Variants in POPDC1 observed in about 807,000 individuals in gnomAD.
POPDC1 encodes popeye domain cAMP effector 1, also known as popeye domain-containing protein 1.
chr6:105,115,949 A>G, the POPDC1 span: 26 of 824,542 alleles, frequency 3.2e-5, no homozygotes, highest in Non-Finnish European at 4.3e-5. Flanking sequence ...TACCTGATAC[A>G]TATTAGGTGG....
At chr6:105,133,319 A>G in the POPDC1 span, 1 of 1,532,240 alleles carries the variant, frequency 6.5e-7, no homozygotes, top group Non-Finnish European at 9.0e-7. Context: ...CAGTTACAGA[A>G]AAGTTACATA....
the POPDC1 span, among the ~76,000 whole-genome samples, chr6:105,103,954 A>G: frequency 6.6e-6 from 1 of 152,084 alleles, no homozygotes; most frequent in South Asian, 2.1e-4. Flanking sequence ...CTCCCACCAT[A>G]TTTGCTGGGG....
chr6:105,131,138 G>A, the POPDC1 span, among the ~76,000 whole-genome samples: 6 of 152,028 alleles, frequency 3.9e-5, no homozygotes, highest in Admixed American at 3.3e-4. Flanking sequence ...ATTGACACAC[G>A]CATACTCACA....
chr6:105,103,829 T>C, the POPDC1 span, among the ~76,000 whole-genome samples: 1 of 152,152 alleles, frequency 6.6e-6, no homozygotes, highest in Non-Finnish European at 1.5e-5. Flanking sequence ...CTCTCACCTA[T>C]ACTTTGCATT....
At chr6:105,133,908 G>C in the POPDC1 span, among the ~76,000 whole-genome samples, 1 of 152,100 alleles carries the variant, frequency 6.6e-6, no homozygotes, top group African/African-American at 2.4e-5. Flanking sequence ...GGAGGAGTGA[G>C]GGAATTAGTC....
At chr6:105,109,431 A>G in the POPDC1 span, among the ~76,000 whole-genome samples, 2 of 146,692 alleles carry the variant, frequency 1.4e-5, no homozygotes, top group African/African-American at 4.9e-5. Context: ...GTCAGTAGAT[A>G]AAGGTTACTA....
chr6:105,109,763 CAAAAAAAA>C, the POPDC1 span, among the ~76,000 whole-genome samples: 18 of 22,872 alleles, frequency 7.9e-4, 1 homozygote, highest in African/African-American at 1.5e-3. Context: ...GACCCTTTCT[CAAAAAAAA>C]AAAAAAAAAA....
the POPDC1 span, among the ~76,000 whole-genome samples, chr6:105,127,007 C>A: frequency 6.6e-6 from 1 of 152,182 alleles, no homozygotes; most frequent in Non-Finnish European, 1.5e-5. Flanking sequence ...CCAGGTCATG[C>A]CCCATCTTTG....
chr6:105,127,113 C>G, the POPDC1 span, among the ~76,000 whole-genome samples: 2 of 152,090 alleles, frequency 1.3e-5, no homozygotes, highest in Non-Finnish European at 2.9e-5. Flanking sequence ...GCCTATAGAC[C>G]CAGATCATGA....
chr6:105,124,355 C>G, the POPDC1 span, among the ~76,000 whole-genome samples: 26 of 137,540 alleles, frequency 1.9e-4, no homozygotes, highest in Non-Finnish European at 6.0e-5. Context: ...GCACTCCAGC[C>G]TGGGCGACAG....
the POPDC1 span, chr6:105,116,766 A>G: frequency 1.2e-6 from 2 of 1,612,262 alleles, no homozygotes; most frequent in Non-Finnish European, 1.7e-6. Flanking sequence ...CCAATAAGAT[A>G]CCTAAAGATT....
the POPDC1 span, chr6:105,124,574 A>C: frequency 3.7e-6 from 6 of 1,611,226 alleles, no homozygotes; most frequent in Middle Eastern, 5.0e-4. Context: ...TGTGCATCTG[A>C]GTTGATCTAA....
chr6:105,115,835 G>A, the POPDC1 span: 2 of 1,612,362 alleles, frequency 1.2e-6, no homozygotes, highest in East Asian at 2.2e-5. Context: ...TTTCTACAAA[G>A]CAAAGTTTTA....
At chr6:105,101,862 T>C in the POPDC1 span, among the ~76,000 whole-genome samples, 1 of 152,132 alleles carries the variant, frequency 6.6e-6, no homozygotes, top group Non-Finnish European at 1.5e-5. Flanking sequence ...CAGGCAGCAA[T>C]TCATTCATTC....
chr6:105,120,597 T>C, the POPDC1 span, among the ~76,000 whole-genome samples: 1 of 152,204 alleles, frequency 6.6e-6, no homozygotes, highest in Non-Finnish European at 1.5e-5. Flanking sequence ...TAAAAGGACA[T>C]CTTTCAGGTC....
At chr6:105,110,404 A>G in the POPDC1 span, among the ~76,000 whole-genome samples, 4 of 152,080 alleles carry the variant, frequency 2.6e-5, no homozygotes, top group Non-Finnish European at 5.9e-5. Context: ...ACATCTTTCT[A>G]CCTCTCTGTA....
At chr6:105,135,716 AAGAG>A in the POPDC1 span, among the ~76,000 whole-genome samples, 1 of 151,994 alleles carries the variant, frequency 6.6e-6, no homozygotes, top group African/African-American at 2.4e-5. Flanking sequence ...CACCTTATTA[AAGAG>A]AGAGAGAGAT....
At chr6:105,124,473 C>A in the POPDC1 span, 5 of 972,508 alleles carry the variant, frequency 5.1e-6, no homozygotes, top group Non-Finnish European at 6.4e-6. Flanking sequence ...AGCAGTGTTT[C>A]TATTAATATC....
chr6:105,107,332 ATG>A, the POPDC1 span, among the ~76,000 whole-genome samples: 1 of 152,212 alleles, frequency 6.6e-6, no homozygotes, highest in Non-Finnish European at 1.5e-5. Flanking sequence ...GTAAGAAAAA[ATG>A]AGGTAAGATT....
Sources: allele counts gnomAD v4.1 joint callset (sites outside exome capture counted in the v4.1 genomes callset), GRCh38; gene constraint gnomAD v4.1.1; transcripts MANE v1.5; gene names NCBI Gene and HGNC (gene_info 2026-07-23, HGNC 2026-07-21).